The following RASGEF1C variants were observed in gnomAD, a reference collection of about 807,000 sequenced individuals.
RASGEF1C encodes RasGEF domain family member 1C, also known as ras-GEF domain-containing family member 1C.
In RASGEF1C, 27 loss-of-function variants were observed where a neutral mutation model predicts 58.1. The observed-to-expected ratio is 0.46, with a 90% CI of 0.34 to 0.64. The LOEUF (loss-of-function observed/expected upper bound fraction) is 0.64, where lower values mean the gene tolerates loss of function less well. Among genes scored for constraint, RASGEF1C ranks in the 30% least tolerant of loss-of-function variants. RASGEF1C has a pLI of 0.01. For synonymous variants in RASGEF1C, 243 were observed against 246.3 expected, an observed-to-expected ratio of 0.99 and a Z score of 0.13; for missense variants, 502 against 605.1, an observed-to-expected ratio of 0.83 and a Z score of 1.79.
At chr5:180,105,877 AAG>A (rs1765868353) in intron 12 of RASGEF1C, among the ~76,000 whole-genome samples, 2 of 152,106 alleles carry the variant, frequency 1.3e-5, no homozygotes, top group African/African-American at 4.8e-5. Context: ...CAAAAAAAAA[AAG>A]AAGTAAAATG....
chr5:180,166,730 G>T (rs1407373749), intron 1 of RASGEF1C, among the ~76,000 whole-genome samples: 3 of 151,896 alleles, frequency 2.0e-5, no homozygotes, highest in African/African-American at 7.3e-5. Context: ...TGGCCAGGCT[G>T]GTCTCAAACT....
intron 1 of RASGEF1C, among the ~76,000 whole-genome samples, chr5:180,157,795 T>C (rs930589251): frequency 4.6e-5 from 7 of 152,118 alleles, no homozygotes; most frequent in Non-Finnish European, 1.0e-4. Context: ...AGACCAATGG[T>C]TTCCAGGTTT....
rs746976038 is a variant in RASGEF1C at position 180,158,754 on chromosome 5, C to T, written c.-6-20696G>A. Among the ~76,000 whole-genome samples the T allele has an allele frequency of 2.6e-5, 4 of 152,160 alleles. No individual in the cohort carries two copies. The highest frequency in any genetic ancestry group is 1.3e-4 in the Admixed American group (2 of 15,280). On this transcript the variant is annotated intron_variant, in intron 1 of 13. Coordinates refer to ENST00000361132, the MANE Select transcript of RASGEF1C (RefSeq NM_175062.4). This position sits in a 1 kb window ranked among gnomAD's most constrained non-coding sequence, Gnocchi z 4.0. ...TTGACACGGGCCTTTCTATGTCCCT[C>T]GTGTGGAGCACTTTCCAGTCTCACG...
chr5:180,204,616 C>CTCTATCTATCTATCTATCTA (rs56101660), intron 1 of RASGEF1C, among the ~76,000 whole-genome samples: 1 of 149,114 alleles, frequency 6.7e-6, no homozygotes, highest in Non-Finnish European at 1.5e-5. Flanking sequence ...ATGGATATTC[C>CTCTATCTATCTATCTATCTA]TCTATCTATC....
At position 180,121,160 on chromosome 5, in the gene RASGEF1C, C is replaced by G. The variant is rs762523199; in HGVS notation, c.715-11G>C. ...GTCACTGAAGCAGGGCTAGAACAAACACAGCACACGGGACCACGTTCTGAG... is the reference window on the plus strand; with the variant it reads ...GTCACTGAAGCAGGGCTAGAACAAAGACAGCACACGGGACCACGTTCTGAG... On this transcript the variant is annotated splice_polypyrimidine_tract_variant and intron_variant, in intron 6 of 13. Coordinates refer to ENST00000361132, the MANE Select transcript of RASGEF1C (RefSeq NM_175062.4). 1.2e-6 allele frequency: 2 copies of G among 1,603,010 alleles called. No homozygotes were observed. Among genetic ancestry groups the G allele is most frequent in the African/African-American group, 1.3e-5 (1 of 74,792 alleles).
intron 6 of RASGEF1C, among the ~76,000 whole-genome samples, chr5:180,124,497 G>A (rs953644566): frequency 3.9e-5 from 6 of 152,118 alleles, no homozygotes; most frequent in African/African-American, 9.7e-5. Context: ...TCCCAGTTTC[G>A]TTTATCTCAG....
chr5:180,128,896 C>A (rs999278796), intron 4 of RASGEF1C, among the ~76,000 whole-genome samples: 1 of 152,138 alleles, frequency 6.6e-6, no homozygotes, highest in Non-Finnish European at 1.5e-5. Flanking sequence ...GTGACGGGGG[C>A]CGGGGGCAGC....
chr5:180,103,301 T>G (rs945572058), intron 12 of RASGEF1C, among the ~76,000 whole-genome samples: 6 of 152,142 alleles, frequency 3.9e-5, no homozygotes, highest in Admixed American at 1.3e-4. Flanking sequence ...ATGGTCTCGA[T>G]CTCCTGACCT....
chr5:180,169,359 A>C (rs182045155), intron 1 of RASGEF1C, among the ~76,000 whole-genome samples: 2 of 152,282 alleles, frequency 1.3e-5, no homozygotes, highest in Admixed American at 1.3e-4. Flanking sequence ...AAGGGCCTTC[A>C]TGGTTCCCTC....
At chr5:180,194,210 C>T (rs550545563) in intron 1 of RASGEF1C, among the ~76,000 whole-genome samples, 2 of 152,182 alleles carry the variant, frequency 1.3e-5, no homozygotes, top group East Asian at 1.9e-4. Flanking sequence ...CCTCTCTCTC[C>T]TCATTAAGGT....
chr5:180,171,060 G>A lies in RASGEF1C; in HGVS notation c.-6-33002C>T, dbSNP rs147352337. Among the ~76,000 whole-genome samples the A allele has an allele frequency of 5.3e-3, 812 of 152,274 alleles. 7 individuals carry two copies. Among genetic ancestry groups the A allele is most frequent in the African/African-American group, 0.018 (768 of 41,560 alleles). On this transcript the variant is annotated intron_variant, in intron 1 of 13. Coordinates refer to ENST00000361132, the MANE Select transcript of RASGEF1C (RefSeq NM_175062.4). Reference sequence around the variant, plus strand: ...CGCGGCCGGAGTTCCAGGACTCAGGGACCACAGTGTGAGACGCGTGCAGCC... The same window carrying A: ...CGCGGCCGGAGTTCCAGGACTCAGGAACCACAGTGTGAGACGCGTGCAGCC...
At chr5:180,125,516 T>C (rs776825067) in intron 6 of RASGEF1C, among the ~76,000 whole-genome samples, 32 of 152,032 alleles carry the variant, frequency 2.1e-4, no homozygotes, top group Non-Finnish European at 4.3e-4. Flanking sequence ...GGCGTGGTGG[T>C]TCATGCCTGT....
chr5:180,103,345 G>A (rs1168865094), intron 12 of RASGEF1C, among the ~76,000 whole-genome samples: 1 of 152,204 alleles, frequency 6.6e-6, no homozygotes, highest in Non-Finnish European at 1.5e-5. Flanking sequence ...CCAGAGTGCT[G>A]AGATTACAGG....
chr5:180,191,535 T>A (rs1173958375), intron 1 of RASGEF1C, among the ~76,000 whole-genome samples: 2 of 152,010 alleles, frequency 1.3e-5, no homozygotes, highest in Non-Finnish European at 2.9e-5. Flanking sequence ...TTTTTGTATA[T>A]TTAGTAGAGA....
chr5:180,205,055 G>A (rs1422603163), intron 1 of RASGEF1C, among the ~76,000 whole-genome samples: 2 of 152,188 alleles, frequency 1.3e-5, no homozygotes. Flanking sequence ...CTGACGTGGT[G>A]GCAGGCACCT....
intron 1 of RASGEF1C, among the ~76,000 whole-genome samples, chr5:180,145,118 A>T (rs1007022526): frequency 6.6e-6 from 1 of 151,766 alleles, no homozygotes; most frequent in Admixed American, 6.6e-5. Context: ...CATTTTATTT[A>T]TTTTTATTTT....
chr5:180,157,411 C>T (rs948847988), intron 1 of RASGEF1C, among the ~76,000 whole-genome samples: 1 of 151,770 alleles, frequency 6.6e-6, no homozygotes, highest in Non-Finnish European at 1.5e-5. Context: ...CACCTGAGGT[C>T]GGGAGTTCGA....
chr5:180,121,889 G>A (rs1182282909), intron 6 of RASGEF1C, among the ~76,000 whole-genome samples: 1 of 152,182 alleles, frequency 6.6e-6, no homozygotes, highest in African/African-American at 2.4e-5. Context: ...GGCCTACTGA[G>A]TATCATGTCC....
intron 6 of RASGEF1C, among the ~76,000 whole-genome samples, chr5:180,123,500 AATC>A (rs1179511336): frequency 6.6e-6 from 1 of 152,222 alleles, no homozygotes; most frequent in Non-Finnish European, 1.5e-5. Flanking sequence ...TCAAAGATGA[AATC>A]ATAATGGAAT....
Sources: gnomAD v4.1 joint callset for allele counts (sites outside exome capture counted in the v4.1 genomes callset) on GRCh38, gnomAD v4.1.1 for gene constraint, Gnocchi (gnomAD v3.1) non-coding constraint, MANE v1.5 for transcripts, NCBI Gene and HGNC (gene_info 2026-07-23, HGNC 2026-07-21) for gene names.